The following ANO4 variants were observed in gnomAD, a reference collection of about 807,000 sequenced individuals.
ANO4 encodes anoctamin 4.
In ANO4, 69 loss-of-function variants were observed where a neutral mutation model predicts 141.9. The ratio of observed to expected loss-of-function variants is 0.49; its 90% CI spans 0.40 to 0.59. The LOEUF (loss-of-function observed/expected upper bound fraction) is 0.59, where lower values mean the gene tolerates loss of function less well. Among genes scored for constraint, ANO4 ranks in the 20% least tolerant of loss-of-function variants. The pLI, the probability that ANO4 is intolerant of heterozygous loss-of-function variation, is 0.00. For missense variants in ANO4, 894 were observed against 1,162.2 expected, an observed-to-expected ratio of 0.77 and a Z score of 3.36; for synonymous variants, 350 against 394.3, an observed-to-expected ratio of 0.89 and a Z score of 1.33.
intron 3 of ANO4, among the ~76,000 whole-genome samples, chr12:100,771,088 A>G (rs937978212): frequency 5.3e-5 from 8 of 152,198 alleles, no homozygotes; most frequent in Non-Finnish European, 1.0e-4. Flanking sequence ...ATATGATCAA[A>G]TACTCTTCAT....
intron 1 of ANO4, among the ~76,000 whole-genome samples, chr12:100,834,423 C>T (rs573953966): frequency 1.3e-5 from 2 of 152,126 alleles, no homozygotes; most frequent in African/African-American, 2.4e-5. Flanking sequence ...ACCACCAAAA[C>T]GTTCCCTACC....
chr12:100,916,204 G>T (rs960366449), intron 2 of ANO4, among the ~76,000 whole-genome samples: 2 of 152,052 alleles, frequency 1.3e-5, no homozygotes, highest in African/African-American at 4.8e-5. Context: ...ATTGCAAAAA[G>T]GGTAGCTATT....
chr12:100,725,508 G>A (rs867934195), intron 1 of ANO4, among the ~76,000 whole-genome samples: 86 of 152,006 alleles, frequency 5.7e-4, no homozygotes, highest in Middle Eastern at 3.4e-3. Flanking sequence ...CACCACGCCC[G>A]GCTAATTTTT....
At chr12:100,738,278 C>T (rs1306578185) in intron 2 of ANO4, among the ~76,000 whole-genome samples, 1 of 152,130 alleles carries the variant, frequency 6.6e-6, no homozygotes, top group East Asian at 1.9e-4. Context: ...CTATTCTTTG[C>T]CCCGTGGGTA....
chr12:100,997,961 G>A (rs1485350148), intron 8 of ANO4, among the ~76,000 whole-genome samples: 1 of 152,182 alleles, frequency 6.6e-6, no homozygotes, highest in Non-Finnish European at 1.5e-5. Flanking sequence ...CTTTCTGTGA[G>A]AGTTTAGGCA....
chr12:101,043,875 C>T (rs140755017), intron 13 of ANO4, among the ~76,000 whole-genome samples: 34 of 152,276 alleles, frequency 2.2e-4, no homozygotes, highest in African/African-American at 4.3e-4. Context: ...GTGAGGAGCA[C>T]GGTGCTGGAG....
chr12:100,955,078 A>G (rs539220868), intron 5 of ANO4, among the ~76,000 whole-genome samples: 1 of 152,348 alleles, frequency 6.6e-6, no homozygotes, highest in Non-Finnish European at 1.5e-5. Flanking sequence ...CCTCATGCAC[A>G]CGTGTATTGA....
Position 100,753,856 on chromosome 12 carries a change from A to G in ANO4, c.358+13751A>G, listed in dbSNP as rs780976094. 2.6e-4 allele frequency among the ~76,000 whole-genome samples: 40 copies of G among 152,128 alleles called. 1 individual carries two copies. The highest frequency in any genetic ancestry group is 4.0e-4 in the Non-Finnish European group (27 of 68,016). The stretch of plus-strand genomic sequence containing the variant: ...TTTAGCTCTGAATTTCTGGTTGTCT[A>G]TTGGACGTGTTCCCACATGTTCCCA... On this transcript the variant is annotated intron_variant, in intron 3 of 29. Transcript: ENST00000644049.
intron 7 of ANO4, among the ~76,000 whole-genome samples, chr12:100,984,966 A>C (rs2044645293): frequency 6.6e-6 from 1 of 151,912 alleles, no homozygotes; most frequent in Non-Finnish European, 1.5e-5. Context: ...CACTGTACCC[A>C]GCTGGATTCA....
chr12:100,743,448 T>A (rs1254554375), intron 3 of ANO4, among the ~76,000 whole-genome samples: 2 of 151,930 alleles, frequency 1.3e-5, no homozygotes, highest in Non-Finnish European at 2.9e-5. Context: ...AAGTAAATGA[T>A]GATAGTATTC....
intron 1 of ANO4, among the ~76,000 whole-genome samples, chr12:100,872,177 C>T (rs2039069820): frequency 6.6e-6 from 1 of 152,188 alleles, no homozygotes; most frequent in South Asian, 2.1e-4. Flanking sequence ...TACTAAATGG[C>T]AAGCTCTGAA....
At chr12:100,836,145 T>C (rs1267901343) in intron 1 of ANO4, among the ~76,000 whole-genome samples, 1 of 152,146 alleles carries the variant, frequency 6.6e-6, no homozygotes, top group Non-Finnish European at 1.5e-5. Flanking sequence ...TACGTTTTAC[T>C]TCCTTTCCTT....
At chr12:100,943,424 C>T (rs1230140733) in intron 5 of ANO4, among the ~76,000 whole-genome samples, 1 of 152,206 alleles carries the variant, frequency 6.6e-6, no homozygotes, top group African/African-American at 2.4e-5. Context: ...GTTCGTACAA[C>T]CTGCGAGTTG....
At chr12:100,927,392 G>A (rs2041918370) in intron 3 of ANO4, among the ~76,000 whole-genome samples, 2 of 152,036 alleles carry the variant, frequency 1.3e-5, no homozygotes, top group South Asian at 4.2e-4. Context: ...TTTAAGGAGT[G>A]GAGTGCCTAC....
intron 1 of ANO4, among the ~76,000 whole-genome samples, chr12:100,851,574 G>A (rs1395797682): frequency 1.3e-5 from 2 of 152,062 alleles, no homozygotes. Context: ...TTGCTTTTGT[G>A]TTGGGAAATC....
chr12:100,734,697 C>G (rs1341337746), intron 2 of ANO4, among the ~76,000 whole-genome samples: 3 of 151,804 alleles, frequency 2.0e-5, no homozygotes, highest in African/African-American at 7.3e-5. Flanking sequence ...ACACTAAATC[C>G]TATATACTCT....
chr12:100,749,949 G>A (rs1158601153), intron 3 of ANO4, among the ~76,000 whole-genome samples: 1 of 152,072 alleles, frequency 6.6e-6, no homozygotes, highest in African/African-American at 2.4e-5. Flanking sequence ...ATATATGACT[G>A]AATGGATGTC....
chr12:101,030,246 A>T (rs1271604730), intron 9 of ANO4, among the ~76,000 whole-genome samples: 1 of 152,208 alleles, frequency 6.6e-6, no homozygotes, highest in Non-Finnish European at 1.5e-5. Context: ...TCCTCAGCAA[A>T]TGCAAAAAAA....
At chr12:101,066,604 A>G (rs777288741) in intron 14 of ANO4, 27 of 508,092 alleles carry the variant, frequency 5.3e-5, no homozygotes, top group Non-Finnish European at 9.1e-5. Context: ...GAAATGGAAG[A>G]GGCTTTTTCT....
Sources: allele counts gnomAD v4.1 joint callset (sites outside exome capture counted in the v4.1 genomes callset), GRCh38; gene constraint gnomAD v4.1.1; transcripts MANE v1.5; gene names NCBI Gene and HGNC (gene_info 2026-07-23, HGNC 2026-07-21).